Variants in CTSS observed in about 807,000 individuals in gnomAD.
The protein encoded by CTSS is cathepsin S.
CTSS carries 15 observed loss-of-function variants against 39.9 expected under a neutral mutation model. The ratio of observed to expected loss-of-function variants is 0.38; its 90% CI spans 0.25 to 0.58. The LOEUF (loss-of-function observed/expected upper bound fraction) is 0.58, where lower values mean the gene tolerates loss of function less well. CTSS is among the 20% of genes least tolerant of loss of function. The probability of loss-of-function intolerance (pLI) is 0.70; values close to 1 mark genes in which losing one functional copy is unlikely to be tolerated. For missense variants in CTSS, 250 were observed against 398.2 expected (o/e 0.63, Z 3.17); for synonymous variants, 126 against 138.2 (o/e 0.91, Z 0.62).
intron 7 of CTSS, among the ~76,000 whole-genome samples, chr1:150,738,318 A>G (rs1652676396): frequency 6.6e-6 from 1 of 152,128 alleles, no homozygotes; most frequent in South Asian, 2.1e-4. Flanking sequence ...CAAATTTTGC[A>G]TATTTTACAA....
intron 1 of CTSS, among the ~76,000 whole-genome samples, chr1:150,765,287 GTT>G (rs144296504): frequency 1.3e-4 from 18 of 136,876 alleles, no homozygotes; most frequent in African/African-American, 1.7e-4. Context: ...TCCTTTTTAC[GTT>G]TTTTTTTTTT....
intron 7 of CTSS, among the ~76,000 whole-genome samples, chr1:150,741,112 C>T (rs1030672482): frequency 9.2e-5 from 14 of 152,202 alleles, no homozygotes; most frequent in African/African-American, 3.1e-4. Flanking sequence ...AAAAATCCTC[C>T]TACCTCAGCC....
chr1:150,762,681 A>G (rs1653289541), intron 2 of CTSS, among the ~76,000 whole-genome samples: 2 of 152,210 alleles, frequency 1.3e-5, no homozygotes, highest in African/African-American at 4.8e-5. Flanking sequence ...AATGCTTAAC[A>G]TCACCAGTCA....
rs1571105474 is a variant in CTSS, at chr1:150,757,944, T to A, written c.163A>T (p.Asn55Tyr). ...TTGTGAAGCATCACAAACTTTAGAT[T>A]CTTTTCCCAGATGAGACGTCGTACT... The part of the protein sequence containing the change: ...EAVRRLIWEK[N>Y]LKFVMLHNLE... Residue 55 changes from asparagine to tyrosine, a missense_variant, in exon 3 of 8, where the codon AAT (asparagine) becomes TAT (tyrosine). Coordinates refer to ENST00000368985, the MANE Select transcript of CTSS (RefSeq NM_004079.5). The A allele has an allele frequency of 1.9e-6, 3 of 1,614,056 alleles. No homozygotes were observed. The highest frequency in any genetic ancestry group is 4.5e-5 in the East Asian group (2 of 44,880).
intron 6 of CTSS, among the ~76,000 whole-genome samples, chr1:150,748,785 C>G (rs1652946252): frequency 6.6e-6 from 1 of 152,146 alleles, no homozygotes; most frequent in African/African-American, 2.4e-5. Flanking sequence ...TTTGTGGCAA[C>G]TCTACATTCA....
At chr1:150,742,901 T>C (rs1415582660) in intron 7 of CTSS, among the ~76,000 whole-genome samples, 1 of 152,092 alleles carries the variant, frequency 6.6e-6, no homozygotes, top group Non-Finnish European at 1.5e-5. Context: ...ATTGTAAACT[T>C]ATTGAGTATG....
intron 1 of CTSS, 69 bp from the exon 2 acceptor site, chr1:150,764,833 AAG>A (rs1417879427): frequency 6.4e-7 from 1 of 1,560,204 alleles, no homozygotes; most frequent in African/African-American, 1.4e-5. Context: ...ATGTTTTCAT[AAG>A]AGAAAATAAC....
In CTSS at chr1:150,757,886, T is replaced by TCATA; in HGVS notation, c.220_221insTATG (p.Asp74ValfsTer2). The TCATA allele has an allele frequency of 2.5e-6, 4 of 1,613,922 alleles. No individual in the cohort carries two copies. Among genetic ancestry groups the TCATA allele is most frequent in the Non-Finnish European group, 3.4e-6 (4 of 1,179,922 alleles). On this transcript the variant is annotated stop_gained and frameshift_variant, in exon 3 of 8. Coordinates refer to ENST00000368985, the MANE Select transcript of CTSS (RefSeq NM_004079.5). LOFTEE classifies it high-confidence loss of function. The stretch of plus-strand genomic sequence containing the variant: ...GTCTCCCAGGTGGTTCATGCCCAGA[T>TCATA]CGTATGAGTGCATTCCCATTGAATG...
intron 7 of CTSS, among the ~76,000 whole-genome samples, chr1:150,744,862 G>A (rs180813241): frequency 6.6e-6 from 1 of 151,790 alleles, no homozygotes; most frequent in East Asian, 1.9e-4. Context: ...TGAGTGAAGA[G>A]AAGCAGATTT....
Position 150,747,806 on chromosome 1 carries a change from A to G in CTSS, c.867T>C (p.Asn289=). ...TTTTCACAAGCCAGTATTCTTTCCC[A>G]TTAAGATCACCATAGCCAACCACAA... is the stretch of plus-strand genomic sequence containing the variant. ...GVLVVGYGDL[N]GKEYWLVKNS... is the part of the protein sequence containing the mutation. Residue 289 remains asparagine (N), a synonymous_variant, in exon 7 of 8, where the codon AAT becomes AAC. Coordinates refer to ENST00000368985, the MANE Select transcript of CTSS (RefSeq NM_004079.5). 1 of 1,613,482 alleles carries G rather than the reference A, an allele frequency of 6.2e-7. No homozygotes were observed. The highest frequency in any genetic ancestry group is 8.5e-7 in the Non-Finnish European group (1 of 1,179,468).
Position 150,758,112 on chromosome 1 carries a change from C to T in CTSS, c.127-132G>A, listed in dbSNP as rs1653172860. On this transcript the variant is annotated intron_variant, in intron 2 of 7. Transcript: ENST00000368985. ...TCACCCAAGCTGGAGTCCAATGGCA[C>T]GATCTCAGCTTACTTCAACCTCCGA... The T allele has an allele frequency of 5.2e-5, 38 of 734,328 alleles. 1 individual carries two copies. In the South Asian group the frequency reaches 7.2e-4, roughly 14 times the overall value. 45.5% of individuals were successfully genotyped at this position (734,328 alleles called of 1,614,324 possible).
At chr1:150,742,935 G>A (rs947557170) in intron 7 of CTSS, among the ~76,000 whole-genome samples, 1 of 152,122 alleles carries the variant, frequency 6.6e-6, no homozygotes, top group African/African-American at 2.4e-5. Context: ...GTTGGTAGTA[G>A]GGTGATGTAG....
chr1:150,738,438 T>C (rs747025705), intron 7 of CTSS, among the ~76,000 whole-genome samples: 1 of 152,164 alleles, frequency 6.6e-6, no homozygotes, highest in Admixed American at 6.5e-5. Flanking sequence ...TCTCATAATA[T>C]TTCAACTGTT....
At chr1:150,759,611 T>C (rs1653210228) in intron 2 of CTSS, among the ~76,000 whole-genome samples, 2 of 152,240 alleles carry the variant, frequency 1.3e-5, no homozygotes, top group East Asian at 1.9e-4. Flanking sequence ...TATTCCTTTA[T>C]ATATAGTCTT....
At chr1:150,756,964 C>T (rs747835215) in intron 3 of CTSS, among the ~76,000 whole-genome samples, 9 of 152,122 alleles carry the variant, frequency 5.9e-5, no homozygotes, top group Non-Finnish European at 1.2e-4. Flanking sequence ...GATCTGCCCA[C>T]CTTGGCCTCC....
At chr1:150,765,435 C>A (rs911455723) in intron 1 of CTSS, among the ~76,000 whole-genome samples, 3 of 152,024 alleles carry the variant, frequency 2.0e-5, no homozygotes, top group Non-Finnish European at 4.4e-5. Context: ...TTTTCCATTT[C>A]TTTTTAATTG....
intron 7 of CTSS, among the ~76,000 whole-genome samples, chr1:150,741,918 C>A (rs1652775264): frequency 6.6e-6 from 1 of 151,386 alleles, no homozygotes; most frequent in African/African-American, 2.4e-5. Context: ...TTAAAAAGTT[C>A]TTTATCATAT....
At chr1:150,764,528 A>T in intron 2 of CTSS, 110 bp downstream of exon 2, 1 of 1,454,688 alleles carries the variant, frequency 6.9e-7, no homozygotes, top group Non-Finnish European at 9.5e-7. Context: ...GCGAGCCACC[A>T]CACCCAGCTT....
At chr1:150,737,962 CTGAG>C (rs1652669830) in intron 7 of CTSS, among the ~76,000 whole-genome samples, 1 of 152,034 alleles carries the variant, frequency 6.6e-6, no homozygotes, top group Non-Finnish European at 1.5e-5. Flanking sequence ...GTGCTGGGAG[CTGAG>C]TGAGAGAGGG....
Sources: allele counts gnomAD v4.1 joint callset (sites outside exome capture counted in the v4.1 genomes callset), GRCh38; gene constraint gnomAD v4.1.1; transcripts MANE v1.5; gene names NCBI Gene and HGNC (gene_info 2026-07-23, HGNC 2026-07-21).